Variants in PIGB observed in about 807,000 individuals in gnomAD.
The protein encoded by PIGB is GPI alpha-1,2-mannosyltransferase 3.
In PIGB, 58 loss-of-function variants were observed where a neutral mutation model predicts 68.4. The ratio of observed to expected loss-of-function variants is 0.85; its 90% CI spans 0.69 to 1.06. The LOEUF (loss-of-function observed/expected upper bound fraction) is 1.06. Among genes scored for constraint, PIGB ranks in the 50% least tolerant of loss-of-function variants. PIGB has a pLI of 0.00. For missense variants in PIGB, 634 were observed against 655.8 expected (o/e 0.97, Z 0.36); for synonymous variants, 219 against 220.5 (o/e 0.99, Z 0.06).
At chr15:55,327,318 A>T (rs1426798752) in intron 3 of PIGB, among the ~76,000 whole-genome samples, 1 of 151,052 alleles carries the variant, frequency 6.6e-6, no homozygotes, top group Non-Finnish European at 1.5e-5. Flanking sequence ...GTAAAACTTA[A>T]AACTACATTG....
intron 10 of PIGB, 32 bp from the exon 11 acceptor site, chr15:55,354,766 T>G: frequency 6.5e-7 from 1 of 1,535,638 alleles, no homozygotes. Flanking sequence ...ATGTTTTACT[T>G]GTATTTATTA....
At chr15:55,336,542 T>C (rs2055540401) in intron 6 of PIGB, among the ~76,000 whole-genome samples, 1 of 152,226 alleles carries the variant, frequency 6.6e-6, no homozygotes, top group Non-Finnish European at 1.5e-5. Context: ...AAAGCCTATT[T>C]CATAATAAAA....
Position 55,333,896 on chromosome 15 carries a change from C to G in PIGB, c.683C>G (p.Ala228Gly). ...AAATACTCATCCCTGGTGGCACTTG[C>G]CTTCATAATTCGTCCCACAGCTGTC... ...SVKYSSLVAL[A>G]FIIRPTAVIL... Residue 228 changes from alanine to glycine, a missense_variant, in exon 6 of 12, where the codon GCC becomes GGC. By Grantham distance (60) the Ala-to-Gly change is moderately conservative. Transcript: ENST00000164305. The G allele has an allele frequency of 6.2e-7, 1 of 1,606,130 alleles. No homozygotes were observed. The highest frequency in any genetic ancestry group is 8.5e-7 in the Non-Finnish European group (1 of 1,176,544).
chr15:55,342,945 G>A (rs575082663), intron 9 of PIGB, among the ~76,000 whole-genome samples: 4 of 152,046 alleles, frequency 2.6e-5, no homozygotes, highest in East Asian at 3.9e-4. Context: ...AAATCACAGC[G>A]TTGAGAGAGA....
At chr15:55,347,807 G>T (rs2055828915) in intron 9 of PIGB, among the ~76,000 whole-genome samples, 2 of 151,960 alleles carry the variant, frequency 1.3e-5, no homozygotes, top group African/African-American at 4.8e-5. Flanking sequence ...CATCATGTAA[G>T]GCAAGCATTA....
chr15:55,342,174 T>G lies in PIGB; in HGVS notation c.1123+372T>G, dbSNP rs2141202890. Among the ~76,000 whole-genome samples the G allele has an allele frequency of 1.3e-5, 2 of 152,046 alleles. 1 individual carries two copies. The highest frequency in any genetic ancestry group is 3.9e-4 in the East Asian group (2 of 5,176). On this transcript the variant is annotated intron_variant, in intron 9 of 11. Transcript: ENST00000164305. ...CATAAATATCCAATACCCAAAGCAGTTTTTGGTGGTGGTGTTTCTATTTGG... is the reference window on the plus strand; with the variant it reads ...CATAAATATCCAATACCCAAAGCAGGTTTTGGTGGTGGTGTTTCTATTTGG...
chr15:55,341,939 T>C (rs1359452936), intron 9 of PIGB, 137 bp downstream of exon 9: 1 of 370,888 alleles, frequency 2.7e-6, no homozygotes, highest in African/African-American at 2.1e-5. Flanking sequence ...ATTACTGCAA[T>C]ATTCCCTTTT....
intron 9 of PIGB, among the ~76,000 whole-genome samples, chr15:55,345,347 T>C (rs2055767945): frequency 6.6e-6 from 1 of 152,268 alleles, no homozygotes; most frequent in African/African-American, 2.4e-5. Flanking sequence ...TTGGTATTTA[T>C]CTCGATATCT....
chr15:55,320,411 A>C lies in PIGB; in HGVS notation c.299+1A>C. ...AAGTTTCACATCACATGGTTTTCAA[A>C]TATCCTTTGTGGTTTCTTTTCCAGA... On this transcript the variant is annotated splice_donor_variant, in intron 2 of 11. Coordinates refer to ENST00000164305, the MANE Select transcript of PIGB (RefSeq NM_004855.5). LOFTEE classifies it high-confidence loss of function. 1 of 1,612,588 alleles carries C rather than the reference A, an allele frequency of 6.2e-7. No homozygotes were observed. Among genetic ancestry groups the C allele is most frequent in the East Asian group, 2.2e-5 (1 of 44,854 alleles).
chr15:55,334,183 CTA>C (rs1382605824), intron 6 of PIGB, among the ~76,000 whole-genome samples, 176 bp downstream of exon 6: 1 of 152,260 alleles, frequency 6.6e-6, no homozygotes, highest in East Asian at 1.9e-4. Flanking sequence ...CTGATTATAA[CTA>C]TTTTAATTTG....
chr15:55,338,042 G>A (rs1047290756), intron 6 of PIGB, among the ~76,000 whole-genome samples: 67 of 152,188 alleles, frequency 4.4e-4, no homozygotes, highest in African/African-American at 1.6e-3. Context: ...TTTTGGGGAG[G>A]AGGTAGGGAC....
chr15:55,324,569 C>T (rs557206308), intron 3 of PIGB, among the ~76,000 whole-genome samples: 3 of 152,324 alleles, frequency 2.0e-5, no homozygotes, highest in South Asian at 2.1e-4. Flanking sequence ...ATCCTCTAGA[C>T]ACTTTGTAAT....
intron 6 of PIGB, among the ~76,000 whole-genome samples, chr15:55,336,535 G>T (rs2055540201): frequency 6.6e-6 from 1 of 152,156 alleles, no homozygotes; most frequent in Non-Finnish European, 1.5e-5. Context: ...CTAACACAAA[G>T]CCTATTTCAT....
chr15:55,355,534 G>T lies in PIGB; in HGVS notation c.*102G>T. 9 of 887,034 alleles carry T rather than the reference G, an allele frequency of 1.0e-5. No individual in the cohort carries two copies. The highest frequency in any genetic ancestry group is 1.4e-5 in the Non-Finnish European group (8 of 579,470). 54.9% of individuals were successfully genotyped at this position (887,034 alleles called of 1,614,324 possible). A position where few individuals can be genotyped will look rare whatever the true frequency, so the allele number is the denominator to read the frequency against. ...GATTCATGGAACTTAGAAAAAAGCT[G>T]TATGAACTGCTTTACCAAATATCAC... On this transcript the variant is annotated 3_prime_UTR_variant, in exon 12 of 12. Coordinates refer to ENST00000164305, the MANE Select transcript of PIGB (RefSeq NM_004855.5).
chr15:55,346,165 A>G (rs1215462513), intron 9 of PIGB, among the ~76,000 whole-genome samples: 1 of 152,222 alleles, frequency 6.6e-6, no homozygotes, highest in African/African-American at 2.4e-5. Flanking sequence ...CAAAATTTTT[A>G]AAGTGTGTAT....
chr15:55,350,602 A>C (rs919830211), intron 9 of PIGB, 97 bp from the exon 10 acceptor site: 2 of 757,332 alleles, frequency 2.6e-6, no homozygotes, highest in Non-Finnish European at 4.6e-6. Flanking sequence ...ACAGTATTAC[A>C]GTTTTTGCTA....
chr15:55,346,252 G>T (rs966290126), intron 9 of PIGB: 1 of 152,178 alleles, frequency 6.6e-6, no homozygotes, highest in Non-Finnish European at 1.5e-5. Flanking sequence ...CTTCTTATAT[G>T]CTCAGGTTTT....
intron 9 of PIGB, among the ~76,000 whole-genome samples, chr15:55,344,471 C>T (rs2055744646): frequency 6.6e-6 from 1 of 152,232 alleles, no homozygotes; most frequent in African/African-American, 2.4e-5. Context: ...TTCATGAAAG[C>T]AAGTCACTGG....
rs1202898838 is a variant in PIGB, at chr15:55,339,325, AAAAGTATATT to A, written c.846+10_846+19del. On this transcript the variant is annotated splice_region_variant and intron_variant, in intron 7 of 11. Coordinates refer to ENST00000164305, the MANE Select transcript of PIGB (RefSeq NM_004855.5). ...TCGTATTTTTTTTGGCCAAGTAAGT[AAAAGTATATT>A]AAGCTAACAGCTATTTTTATTTTTA... 6.6e-7 allele frequency: 1 copy of A among 1,525,358 alleles called. No homozygotes were observed. The highest frequency in any genetic ancestry group is 2.0e-5 in the Admixed American group (1 of 50,528). 94.5% of individuals were successfully genotyped at this position (1,525,358 alleles called of 1,614,324 possible).
Sources: gnomAD v4.1 joint callset for allele counts (sites outside exome capture counted in the v4.1 genomes callset) on GRCh38, gnomAD v4.1.1 for gene constraint, MANE v1.5 for transcripts, NCBI Gene and HGNC (gene_info 2026-07-23, HGNC 2026-07-21) for gene names.